The following TULP3 variants were observed in gnomAD, a reference collection of about 807,000 sequenced individuals.
TULP3 encodes the protein tubby-related protein 3.
A neutral mutation model predicts 50.7 loss-of-function variants in TULP3; 38 were observed. That is an observed-to-expected ratio of 0.75 (90% CI 0.58 to 0.98). The LOEUF (loss-of-function observed/expected upper bound fraction) is 0.98. TULP3 is among the 50% of genes least tolerant of loss of function. The pLI is 0.00. For missense variants in TULP3, 550 were observed against 568.0 expected (o/e 0.97, Z 0.32); for synonymous variants, 183 against 196.6 (o/e 0.93, Z 0.58).
intron 7 of TULP3, among the ~76,000 whole-genome samples, chr12:2,933,766 C>T (rs1482417367): frequency 6.6e-6 from 1 of 151,962 alleles, no homozygotes; most frequent in Non-Finnish European, 1.5e-5. Flanking sequence ...GCCTGGCCAA[C>T]ATGGCAGAAC....
intron 1 of TULP3, among the ~76,000 whole-genome samples, chr12:2,908,492 G>T (rs1012706819): frequency 6.6e-6 from 1 of 152,092 alleles, no homozygotes; most frequent in Non-Finnish European, 1.5e-5. Flanking sequence ...GAGTGCAATC[G>T]TGTGATCTTG....
intron 1 of TULP3, among the ~76,000 whole-genome samples, chr12:2,891,268 C>T (rs939170086): frequency 2.0e-5 from 3 of 152,132 alleles, no homozygotes; most frequent in Admixed American, 6.6e-5. Context: ...TGACGGGCTC[C>T]CTCGGCCCCT....
At chr12:2,896,382 T>C (rs1238899880) in intron 1 of TULP3, among the ~76,000 whole-genome samples, 1 of 152,186 alleles carries the variant, frequency 6.6e-6, no homozygotes, top group East Asian at 1.9e-4. Context: ...AAATAGCAAG[T>C]CAGCTGGCAT....
rs193281338 is a variant in TULP3, at chr12:2,933,500, G to A, written c.779G>A (p.Arg260His). ...LISIDPVDLS[R>H]EGESYVGKLR... ...TCCATTGATCCAGTTGATTTATCTC[G>A]TGAAGGAGAAAGTTATGTCGGCAAG... The change falls in exon 7 of 11, where the codon CGT becomes CAT. Residue 260 changes from arginine to histidine, a missense_variant. Physicochemically the swap from Arg to His is conservative, Grantham distance 29. Transcript: ENST00000448120. The A allele has an allele frequency of 4.2e-5, 67 of 1,613,848 alleles. No homozygotes were observed. Among genetic ancestry groups the A allele is most frequent in the Admixed American group, 2.2e-4 (13 of 59,990 alleles).
chr12:2,911,097 T>C (rs1382910810), intron 2 of TULP3, among the ~76,000 whole-genome samples: 1 of 152,166 alleles, frequency 6.6e-6, no homozygotes, highest in Non-Finnish European at 1.5e-5. Flanking sequence ...CTGAGTTTTT[T>C]TTTTTAAGGT....
chr12:2,931,341 A>G (rs1591536982), intron 6 of TULP3, 101 bp downstream of exon 6: 1 of 1,099,274 alleles, frequency 9.1e-7, no homozygotes, highest in Non-Finnish European at 1.3e-6. Flanking sequence ...TATTAGACCA[A>G]GCCAGCTGGA....
intron 1 of TULP3, among the ~76,000 whole-genome samples, chr12:2,891,566 C>A (rs2098172111): frequency 6.6e-6 from 1 of 152,180 alleles, no homozygotes; most frequent in South Asian, 2.1e-4. Context: ...GTTTGTGCGC[C>A]TCTTTCTCTG....
chr12:2,917,902 G>A (rs1307559019), intron 2 of TULP3, among the ~76,000 whole-genome samples: 1 of 150,240 alleles, frequency 6.7e-6, no homozygotes, highest in Non-Finnish European at 1.5e-5. Flanking sequence ...TATTTTCCTT[G>A]CATGTGAACC....
chr12:2,938,044 C>G (rs2098202516), intron 9 of TULP3, 70 bp from the exon 10 acceptor site: 1 of 1,538,484 alleles, frequency 6.5e-7, no homozygotes, highest in African/African-American at 1.4e-5. Flanking sequence ...AGAAAGTATT[C>G]TCCTACTCTA....
intron 1 of TULP3, among the ~76,000 whole-genome samples, chr12:2,893,610 C>G (rs1278148405): frequency 6.6e-6 from 1 of 152,128 alleles, no homozygotes; most frequent in South Asian, 2.1e-4. Flanking sequence ...CGTGAGCCCC[C>G]CAACCCTGCC....
chr12:2,939,998 TCTC>T lies in TULP3; in HGVS notation c.*558_*560del. Reference sequence around the variant, plus strand: ...AATCAGGGACTGACATCGCAGTTCCTCTCCTCTCTTCATTCCCTCACAGCAGAT... The same window carrying T: ...AATCAGGGACTGACATCGCAGTTCCTCTCTCTTCATTCCCTCACAGCAGAT... On this transcript the variant is annotated 3_prime_UTR_variant, in exon 11 of 11. Transcript: ENST00000448120. This position sits in a 1 kb window ranked among gnomAD's most constrained non-coding sequence, Gnocchi z 4.0. 1 of 1,283,614 alleles carries T rather than the reference TCTC, an allele frequency of 7.8e-7. No individual in the cohort carries two copies. The highest frequency in any genetic ancestry group is 1.2e-5 in the South Asian group (1 of 80,954). The allele number at this position is 1,283,614 out of a possible 1,614,324, so 79.5% of individuals were successfully genotyped here. A position where few individuals can be genotyped will look rare whatever the true frequency, so the allele number is the denominator to read the frequency against.
intron 4 of TULP3, among the ~76,000 whole-genome samples, chr12:2,927,663 T>G (rs1365114690): frequency 2.0e-5 from 3 of 152,136 alleles, no homozygotes; most frequent in African/African-American, 4.8e-5. Flanking sequence ...TGAGATTGAT[T>G]TTTTTAAAAC....
At position 2,934,485 on chromosome 12, in the gene TULP3, G is replaced by C. The variant is rs753286936; in HGVS notation, c.848G>C (p.Arg283Pro). 6.2e-7 allele frequency: 1 copy of C among 1,603,698 alleles called. No individual in the cohort carries two copies. The highest frequency in any genetic ancestry group is 8.5e-7 in the Non-Finnish European group (1 of 1,175,634). The change falls in exon 8 of 11, where the codon CGT becomes CCT. Residue 283 changes from arginine to proline, a missense_variant. Transcript: ENST00000448120. ...GGGACCAAGTTTACAGTTTATGACC[G>C]TGGCATCTGCCCCATGAAGGGCCGG... The part of the protein sequence containing the change: ...LMGTKFTVYD[R>P]GICPMKGRGL...
intron 2 of TULP3, among the ~76,000 whole-genome samples, chr12:2,913,309 A>G (rs914471404): frequency 6.6e-6 from 1 of 151,496 alleles, no homozygotes; most frequent in Non-Finnish European, 1.5e-5. Flanking sequence ...GTGCAGTGAT[A>G]CGGTCATAGC....
At chr12:2,937,263 C>T (rs2098201875) in intron 8 of TULP3, among the ~76,000 whole-genome samples, 1 of 108,526 alleles carries the variant, frequency 9.2e-6, no homozygotes, top group African/African-American at 3.6e-5. Context: ...GTCGCCCAGG[C>T]TGGAGTGCAA....
intron 2 of TULP3, among the ~76,000 whole-genome samples, chr12:2,913,937 T>C (rs548659755): frequency 6.6e-6 from 1 of 152,210 alleles, no homozygotes; most frequent in South Asian, 2.1e-4. Context: ...AACTGACGTA[T>C]AATAATTGTA....
intron 1 of TULP3, among the ~76,000 whole-genome samples, chr12:2,903,850 C>A (rs1419133055): frequency 1.3e-5 from 2 of 151,950 alleles, no homozygotes; most frequent in African/African-American, 4.8e-5. Context: ...GTGGCACGAT[C>A]TCGGCTCACT....
In TULP3 at chr12:2,931,234, T is replaced by A. The variant is rs1173822375; in HGVS notation, c.690T>A (p.Asn230Lys). ...ATATGTACTTGGAAAAAGAAGAAAA[T>A]CAGAAGGTATGAGAATTGATTTCTA... ...TYYMYLEKEENQKIFLLAARK... is the reference protein window; with the variant it reads ...TYYMYLEKEEKQKIFLLAARK... Residue 230 changes from asparagine (N) to lysine (K), a missense_variant, in exon 6 of 11, where the codon AAT (asparagine) becomes AAA (lysine). Physicochemically the swap from Asn to Lys is moderately conservative, Grantham distance 94. Transcript: ENST00000448120. The A allele has an allele frequency of 6.2e-7, 1 of 1,613,406 alleles. No homozygotes were observed. Among genetic ancestry groups the A allele is most frequent in the East Asian group, 2.2e-5 (1 of 44,878 alleles).
intron 1 of TULP3, among the ~76,000 whole-genome samples, chr12:2,908,846 TCATC>T (rs1209935260): frequency 8.7e-6 from 1 of 114,900 alleles, no homozygotes; most frequent in African/African-American, 3.8e-5. Context: ...TGTCATCTGT[TCATC>T]CATACTTACA....
Sources: gnomAD v4.1 joint callset for allele counts (sites outside exome capture counted in the v4.1 genomes callset) on GRCh38, gnomAD v4.1.1 for gene constraint, Gnocchi (gnomAD v3.1) non-coding constraint, MANE v1.5 for transcripts, NCBI Gene and HGNC (gene_info 2026-07-23, HGNC 2026-07-21) for gene names.